MACROD2: variants seen among roughly 807,000 people sequenced by gnomAD.
MACROD2 encodes the protein ADP-ribose glycohydrolase MACROD2.
In MACROD2, 36 loss-of-function variants were observed where a neutral mutation model predicts 70.4. The observed-to-expected ratio is 0.51, with a 90% CI of 0.39 to 0.68. MACROD2 has a LOEUF of 0.68. MACROD2 is among the 30% of genes least tolerant of loss of function. The pLI is 0.00. For missense variants in MACROD2, 496 were observed against 538.4 expected, an observed-to-expected ratio of 0.92 and a Z score of 0.78; for synonymous variants, 172 against 178.8, an observed-to-expected ratio of 0.96 and a Z score of 0.30.
intron 8 of MACROD2, among the ~76,000 whole-genome samples, chr20:15,746,641 G>C (rs1472373237): frequency 4.7e-5 from 7 of 150,090 alleles, no homozygotes; most frequent in Non-Finnish European, 1.0e-4. Flanking sequence ...TATTTGCTCT[G>C]TAAGCTTAGT....
chr20:15,113,835 A>T (rs2075973775), intron 5 of MACROD2, among the ~76,000 whole-genome samples: 2 of 149,904 alleles, frequency 1.3e-5, no homozygotes, highest in South Asian at 2.1e-4. Context: ...TTTTATTTTT[A>T]TGGAACAGGA....
intron 13 of MACROD2, among the ~76,000 whole-genome samples, chr20:15,981,429 G>C (rs1184273775): frequency 6.6e-6 from 1 of 152,076 alleles, no homozygotes; most frequent in Non-Finnish European, 1.5e-5. Context: ...TGCAATAATT[G>C]AGACTTTTAG....
intron 3 of MACROD2, among the ~76,000 whole-genome samples, chr20:14,439,035 G>GGTCTTGA (rs1257040862): frequency 6.6e-6 from 1 of 152,108 alleles, no homozygotes; most frequent in Non-Finnish European, 1.5e-5. Flanking sequence ...TGCGGTTTCA[G>GGTCTTGA]GTCTTAAGTG....
At chr20:14,410,608 T>G (rs746663062) in intron 3 of MACROD2, among the ~76,000 whole-genome samples, 1 of 152,206 alleles carries the variant, frequency 6.6e-6, no homozygotes. Flanking sequence ...TTTGTACTTC[T>G]AATAAGCTTC....
intron 8 of MACROD2, among the ~76,000 whole-genome samples, chr20:15,652,411 A>G (rs1156746063): frequency 1.3e-5 from 2 of 151,862 alleles, no homozygotes; most frequent in Admixed American, 6.6e-5. Flanking sequence ...TGTTTAGTGT[A>G]TTTTTTTTAT....
At chr20:15,121,563 G>A (rs2076031490) in intron 5 of MACROD2, among the ~76,000 whole-genome samples, 1 of 151,884 alleles carries the variant, frequency 6.6e-6, no homozygotes, top group East Asian at 1.9e-4. Context: ...AAGGAGACGG[G>A]TAGGTCAGCT....
At chr20:15,454,235 T>G (rs1172860263) in intron 7 of MACROD2, among the ~76,000 whole-genome samples, 1 of 152,100 alleles carries the variant, frequency 6.6e-6, no homozygotes, top group South Asian at 2.1e-4. Context: ...GAACAGAGCA[T>G]TATTAGCAGT....
At chr20:14,857,320 T>C (rs2073265616) in intron 5 of MACROD2, among the ~76,000 whole-genome samples, 1 of 152,186 alleles carries the variant, frequency 6.6e-6, no homozygotes, top group Non-Finnish European at 1.5e-5. Flanking sequence ...CACACAGGCG[T>C]TGAGGGGCCT....
chr20:15,404,747 C>T (rs998636324), intron 6 of MACROD2, among the ~76,000 whole-genome samples: 4 of 152,200 alleles, frequency 2.6e-5, no homozygotes, highest in African/African-American at 9.6e-5. Context: ...TTGCTGTCCT[C>T]CTGGGTTATT....
At chr20:14,753,518 G>A (rs1381031880) in intron 5 of MACROD2, among the ~76,000 whole-genome samples, 1 of 151,976 alleles carries the variant, frequency 6.6e-6, no homozygotes, top group Non-Finnish European at 1.5e-5. Context: ...ATCTAAAAAG[G>A]TTATCATTTT....
intron 5 of MACROD2, among the ~76,000 whole-genome samples, chr20:15,155,933 A>G (rs190666555): frequency 1.6e-4 from 24 of 152,142 alleles, no homozygotes; most frequent in African/African-American, 5.3e-4. Context: ...CTTTGCTTCT[A>G]TGAGTTACCA....
chr20:15,980,429 G>A (rs2066381030), intron 13 of MACROD2, among the ~76,000 whole-genome samples: 1 of 152,064 alleles, frequency 6.6e-6, no homozygotes, highest in Non-Finnish European at 1.5e-5. Context: ...TTGTTCAATA[G>A]ATTGATAGTG....
chr20:15,103,821 C>T (rs1242996352), intron 5 of MACROD2, among the ~76,000 whole-genome samples: 1 of 152,098 alleles, frequency 6.6e-6, no homozygotes, highest in African/African-American at 2.4e-5. Flanking sequence ...ATGAAGAAAG[C>T]AGCCGTGAGC....
chr20:15,793,576 T>G (rs2063645499), intron 8 of MACROD2, among the ~76,000 whole-genome samples: 1 of 152,002 alleles, frequency 6.6e-6, no homozygotes, highest in Non-Finnish European at 1.5e-5. Flanking sequence ...TAAAAAAAAT[T>G]CTACCAAATA....
At chr20:15,785,288 A>C (rs1440095976) in intron 8 of MACROD2, among the ~76,000 whole-genome samples, 1 of 152,190 alleles carries the variant, frequency 6.6e-6, no homozygotes, top group Non-Finnish European at 1.5e-5. Context: ...CAAAACAAAA[A>C]AACACAGCAG....
intron 3 of MACROD2, among the ~76,000 whole-genome samples, chr20:14,088,271 A>G (rs1434701291): frequency 6.8e-6 from 1 of 147,014 alleles, no homozygotes; most frequent in African/African-American, 2.5e-5. Flanking sequence ...CAGAGGTTGC[A>G]GTGAGTCGAG....
At chr20:14,710,410 A>T (rs6034016) in intron 5 of MACROD2, among the ~76,000 whole-genome samples, 1,714 of 152,308 alleles carry the variant, frequency 0.011, 39 homozygotes, top group African/African-American at 0.038. Flanking sequence ...AATAGCATTT[A>T]AAAAAATCAA....
chr20:15,103,911 G>T (rs1259215943), intron 5 of MACROD2, among the ~76,000 whole-genome samples: 1 of 152,084 alleles, frequency 6.6e-6, no homozygotes, highest in Non-Finnish European at 1.5e-5. Flanking sequence ...TAAAAAGGAA[G>T]TTTGGTATAC....
chr20:15,362,441 A>G (rs2078363761), intron 6 of MACROD2, among the ~76,000 whole-genome samples: 1 of 151,890 alleles, frequency 6.6e-6, no homozygotes, highest in East Asian at 1.9e-4. Flanking sequence ...TTTTATAGGT[A>G]TACTGTATTA....
Sources: allele counts gnomAD v4.1 joint callset (sites outside exome capture counted in the v4.1 genomes callset), GRCh38; gene constraint gnomAD v4.1.1; transcripts MANE v1.5; gene names NCBI Gene and HGNC (gene_info 2026-07-23, HGNC 2026-07-21).